ZBTB20: variants seen among roughly 807,000 people sequenced by gnomAD.
The protein encoded by ZBTB20 is zinc finger and BTB domain containing 20.
Under a neutral mutation model 56.9 loss-of-function variants are expected in ZBTB20, and 9 were observed. The observed-to-expected ratio is 0.16, with a 90% CI of 0.10 to 0.28. ZBTB20 has a LOEUF of 0.28. Among genes scored for constraint, ZBTB20 ranks in the 10% least tolerant of loss-of-function variants. ZBTB20 has a pLI of 1.00. For missense variants in ZBTB20, 655 were observed against 1,003.0 expected (o/e 0.65, Z 4.69); for synonymous variants, 417 against 420.7 (o/e 0.99, Z 0.11).
intron 11 of ZBTB20, among the ~76,000 whole-genome samples, chr3:114,342,546 T>C (rs1448368743): frequency 6.6e-6 from 1 of 152,240 alleles, no homozygotes; most frequent in African/African-American, 2.4e-5. Context: ...CTGAGTGACT[T>C]GGGCATGTCA....
intron 7 of ZBTB20, among the ~76,000 whole-genome samples, chr3:114,450,820 G>A (rs182231185): frequency 7.4e-4 from 113 of 151,886 alleles, no homozygotes; most frequent in Admixed American, 1.6e-3. Context: ...TAATAACATC[G>A]GCACAATTCA....
At chr3:114,595,451 G>A (rs2107593457) in intron 6 of ZBTB20, among the ~76,000 whole-genome samples, 1 of 152,220 alleles carries the variant, frequency 6.6e-6, no homozygotes, top group South Asian at 2.1e-4. Context: ...TAAAATCTAT[G>A]GTATATAGCA....
intron 5 of ZBTB20, chr3:114,743,826 A>G (rs924858057): frequency 1.3e-5 from 2 of 152,154 alleles, no homozygotes; most frequent in Non-Finnish European, 2.9e-5. Flanking sequence ...TTTTTTTACT[A>G]TCTACTGAAA....
chr3:114,978,103 A>G (rs893515859), intron 2 of ZBTB20, among the ~76,000 whole-genome samples: 1 of 151,512 alleles, frequency 6.6e-6, no homozygotes, highest in Non-Finnish European at 1.5e-5. Context: ...TTTAAAGTGT[A>G]TAATGTTCAT....
intron 6 of ZBTB20, among the ~76,000 whole-genome samples, chr3:114,562,187 T>A (rs1016260505): frequency 1.3e-5 from 2 of 151,228 alleles, no homozygotes; most frequent in African/African-American, 4.9e-5. Context: ...ATTTTTTTTT[T>A]TTTTTTGAGA....
At chr3:114,592,352 G>C (rs1353305632) in intron 6 of ZBTB20, among the ~76,000 whole-genome samples, 1 of 152,162 alleles carries the variant, frequency 6.6e-6, no homozygotes, top group Non-Finnish European at 1.5e-5. Context: ...AAGGCGTTGT[G>C]TCCTGGTATC....
chr3:114,689,298 T>C (rs1169859633), intron 6 of ZBTB20, among the ~76,000 whole-genome samples: 1 of 152,164 alleles, frequency 6.6e-6, no homozygotes. Context: ...GATCTGATGA[T>C]CTGAACAAAC....
intron 4 of ZBTB20, among the ~76,000 whole-genome samples, chr3:114,849,616 GC>G (rs1407377229): frequency 2.6e-5 from 4 of 152,062 alleles, no homozygotes; most frequent in South Asian, 2.1e-4. Flanking sequence ...CCTCAACTTT[GC>G]CACTCAAGGA....
chr3:115,093,930 T>C (rs6768251), intron 1 of ZBTB20, among the ~76,000 whole-genome samples: 27,241 of 152,080 alleles, frequency 0.18, 4,141 homozygotes, highest in African/African-American at 0.41. Flanking sequence ...AGTCAAATGC[T>C]TTTTAACGGG....
chr3:114,750,956 T>C (rs892688846), intron 5 of ZBTB20, among the ~76,000 whole-genome samples: 1 of 152,210 alleles, frequency 6.6e-6, no homozygotes, highest in Non-Finnish European at 1.5e-5. Context: ...CTTTTGCTTT[T>C]ATTGTCATTT....
rs537506521 is a variant in ZBTB20 at position 115,049,472 on chromosome 3, A to G, written c.-507+21747T>C. On this transcript the variant is annotated intron_variant, in intron 2 of 11. Coordinates refer to ENST00000675478, the MANE Select transcript of ZBTB20 (RefSeq NM_001348800.3). ...ATACACATAATGAAATATTCTTACA[A>G]TAGAACCCAAGTCTAAACACAAAAT... Among the ~76,000 whole-genome samples the G allele has an allele frequency of 1.6e-4, 24 of 152,278 alleles. 2 individuals are homozygous for G. In the South Asian group the frequency reaches 5.0e-3, roughly 32 times the overall value.
chr3:114,765,295 C>T (rs1340350969), intron 5 of ZBTB20, among the ~76,000 whole-genome samples: 1 of 152,026 alleles, frequency 6.6e-6, no homozygotes, highest in South Asian at 2.1e-4. Context: ...AATAGGGTCC[C>T]TAATTAAGAT....
chr3:114,350,534 T>C lies in ZBTB20; in HGVS notation c.1544A>G (p.Gln515Arg). The C allele has an allele frequency of 6.2e-7, 1 of 1,613,968 alleles. No homozygotes were observed. The highest frequency in any genetic ancestry group is 1.1e-5 in the South Asian group (1 of 91,044). ...AGGCTTGGGGCCACTGCCCGCGGGC[T>C]GGGTAGTGAAGAGGGCTGGCAGGTA... Reference protein sequence around the residue: ...NTYLPALFTTQPAGSGPKPFL... With the variant: ...NTYLPALFTTRPAGSGPKPFL... The change falls in exon 11 of 12, where the codon CAG becomes CGG. Residue 515 changes from glutamine to arginine, a missense_variant. Physicochemically the swap from Gln to Arg is conservative, Grantham distance 43. Coordinates refer to ENST00000675478, the MANE Select transcript of ZBTB20 (RefSeq NM_001348800.3).
At chr3:114,905,080 A>C (rs1216242196) in intron 3 of ZBTB20, among the ~76,000 whole-genome samples, 1 of 151,978 alleles carries the variant, frequency 6.6e-6, no homozygotes, top group Non-Finnish European at 1.5e-5. Context: ...CTCATCTACA[A>C]TACACTAAGT....
intron 6 of ZBTB20, among the ~76,000 whole-genome samples, chr3:114,574,150 A>T (rs1412211754): frequency 6.6e-6 from 1 of 152,164 alleles, no homozygotes; most frequent in Non-Finnish European, 1.5e-5. Flanking sequence ...ATATGTGGTG[A>T]TACATATGGA....
chr3:114,371,678 C>T (rs1378945986), intron 10 of ZBTB20, among the ~76,000 whole-genome samples: 1 of 152,158 alleles, frequency 6.6e-6, no homozygotes, highest in Non-Finnish European at 1.5e-5. Flanking sequence ...CAGAAGCAGA[C>T]TTAGTAACAA....
chr3:114,458,354 C>A (rs1367045103), intron 7 of ZBTB20, among the ~76,000 whole-genome samples: 1 of 151,834 alleles, frequency 6.6e-6, no homozygotes, highest in Admixed American at 6.6e-5. Context: ...ATTTAGGGTG[C>A]TTTTTTTTCT....
chr3:114,851,790 G>A (rs10048951), intron 4 of ZBTB20, among the ~76,000 whole-genome samples: 114,928 of 151,922 alleles, frequency 0.76, 47,618 homozygotes, highest in East Asian at 0.99. Context: ...TCCTGTAATA[G>A]TCATGTTTAA....
chr3:114,433,788 A>G (rs758673484), intron 7 of ZBTB20, among the ~76,000 whole-genome samples: 18 of 152,196 alleles, frequency 1.2e-4, no homozygotes, highest in Non-Finnish European at 2.4e-4. Context: ...GTGCTTTAGC[A>G]GTTCGGAAGA....
Sources: gnomAD v4.1 joint callset for allele counts (sites outside exome capture counted in the v4.1 genomes callset) on GRCh38, gnomAD v4.1.1 for gene constraint, MANE v1.5 for transcripts, NCBI Gene and HGNC (gene_info 2026-07-23, HGNC 2026-07-21) for gene names.